DYRK1A: variants seen among roughly 807,000 people sequenced by gnomAD.
DYRK1A encodes the protein dual specificity tyrosine phosphorylation regulated kinase 1A, also known as dual specificity tyrosine-phosphorylation-regulated kinase 1A.
DYRK1A carries 9 observed loss-of-function variants against 79.7 expected under a neutral mutation model. That is an observed-to-expected ratio of 0.11 (90% CI 0.07 to 0.20). DYRK1A has a LOEUF of 0.20. Ranked by LOEUF, DYRK1A falls within the 10% of genes least tolerant of loss-of-function variation. The pLI is 1.00. For missense variants in DYRK1A, 622 were observed against 956.0 expected (o/e 0.65, Z 4.61); for synonymous variants, 349 against 329.7 (o/e 1.06, Z -0.63).
chr21:37,447,690 G>C (rs765294178), intron 2 of DYRK1A, among the ~76,000 whole-genome samples: 4 of 152,196 alleles, frequency 2.6e-5, no homozygotes, highest in Admixed American at 6.5e-5. Context: ...CGGCCATGGT[G>C]CAGCTGCAGA....
At chr21:37,414,702 G>C (rs1358019213) in intron 1 of DYRK1A, among the ~76,000 whole-genome samples, 17 of 152,128 alleles carry the variant, frequency 1.1e-4, no homozygotes, top group Admixed American at 1.1e-3. Context: ...GTGCTTTCTA[G>C]TGTCTACTTG....
rs563374070 is a variant in DYRK1A at position 37,516,212 on chromosome 21, T to C, written c.*3681T>C. On this transcript the variant is annotated 3_prime_UTR_variant, in exon 12 of 12. Transcript: ENST00000647188. ...TGTATGTAATAGACCAGATGGTTCA[T>C]TCCAAATACATGACTTGGTCTTACT... 1.5e-3 allele frequency: 223 copies of C among 152,350 alleles called. 2 individuals are homozygous for C. Among genetic ancestry groups the C allele is most frequent in the African/African-American group, 5.2e-3 (215 of 41,572 alleles). 9.4% of individuals were successfully genotyped at this position (152,350 alleles called of 1,614,324 possible).
Position 37,488,510 on chromosome 21 carries a change from C to T in DYRK1A, c.638-1665C>T, listed in dbSNP as rs375064766. 36 of 893,660 alleles carry T rather than the reference C, an allele frequency of 4.0e-5. No homozygotes were observed. The East Asian group carries it at 3.8e-3, about 95-fold the overall frequency. 55.4% of individuals were successfully genotyped at this position (893,660 alleles called of 1,614,324 possible). A position where few individuals can be genotyped will look rare whatever the true frequency, so the allele number is the denominator to read the frequency against. ...AATTTCTTATCTGGATTATTTGGTA[C>T]CTGCCATGGTCTAGTTAAAAGAAAA... is the stretch of plus-strand genomic sequence containing the variant. On this transcript the variant is annotated intron_variant, in intron 6 of 11. Transcript: ENST00000647188.
At chr21:37,382,955 A>G (rs1457519397) in intron 1 of DYRK1A, among the ~76,000 whole-genome samples, 1 of 152,152 alleles carries the variant, frequency 6.6e-6, no homozygotes, top group African/African-American at 2.4e-5. Context: ...GTTTTTTTGG[A>G]TTATAAACAA....
intron 1 of DYRK1A, among the ~76,000 whole-genome samples, chr21:37,378,695 G>A (rs1427543137): frequency 2.0e-5 from 3 of 152,140 alleles, no homozygotes; most frequent in African/African-American, 4.8e-5. Context: ...GATATGAGTC[G>A]TGGTAGAAGC....
chr21:37,371,109 C>T (rs2049420199), intron 1 of DYRK1A, among the ~76,000 whole-genome samples: 1 of 152,086 alleles, frequency 6.6e-6, no homozygotes, highest in African/African-American at 2.4e-5. Flanking sequence ...ATTAAATTAC[C>T]TAAAATTTCT....
intron 2 of DYRK1A, among the ~76,000 whole-genome samples, chr21:37,463,675 C>CTGATGA (rs1307402861): frequency 6.6e-6 from 1 of 152,172 alleles, no homozygotes; most frequent in Non-Finnish European, 1.5e-5. Context: ...GTTCTTGGTG[C>CTGATGA]TGATGATAAA....
chr21:37,494,410 C>A (rs2053196015), intron 8 of DYRK1A, among the ~76,000 whole-genome samples: 1 of 152,118 alleles, frequency 6.6e-6, no homozygotes, highest in African/African-American at 2.4e-5. Context: ...CTCTCACCAC[C>A]ACCTGGTCTC....
intron 1 of DYRK1A, among the ~76,000 whole-genome samples, chr21:37,397,125 T>G (rs536168058): frequency 2.4e-4 from 36 of 152,306 alleles, no homozygotes; most frequent in Admixed American, 1.8e-3. Flanking sequence ...TCACATTCTT[T>G]CCATGCGAAC....
Position 37,522,945 on chromosome 21 carries a change from G to GGT in DYRK1A, c.*10416_*10417dup, listed in dbSNP as rs1402344979. On this transcript the variant is annotated 3_prime_UTR_variant, in exon 12 of 12. Coordinates refer to ENST00000647188, the MANE Select transcript of DYRK1A (RefSeq NM_001347721.2). ...GCTCCAGGGTGCTGGGACACTGCTG[G>GGT]GTGACGCTCCACAGTGTGTGCTTCC... is the stretch of plus-strand genomic sequence containing the variant. The GGT allele has an allele frequency of 6.6e-6, 1 of 152,340 alleles. No homozygotes were observed. The highest frequency in any genetic ancestry group is 1.5e-5 in the Non-Finnish European group (1 of 68,170). The allele number at this position is 152,340 out of a possible 1,614,324, so 9.4% of individuals were successfully genotyped here.
At chr21:37,444,429 C>T (rs981133816) in intron 2 of DYRK1A, among the ~76,000 whole-genome samples, 5 of 152,168 alleles carry the variant, frequency 3.3e-5, no homozygotes, top group African/African-American at 7.2e-5. Context: ...AAGTCAGGCA[C>T]GCATTAATTT....
At chr21:37,465,642 G>C (rs2052000001) in intron 2 of DYRK1A, among the ~76,000 whole-genome samples, 2 of 152,126 alleles carry the variant, frequency 1.3e-5, no homozygotes, top group Non-Finnish European at 2.9e-5. Flanking sequence ...TTCAAGACCA[G>C]CCTGGCCAAC....
At chr21:37,393,313 T>G (rs1389958232) in intron 1 of DYRK1A, among the ~76,000 whole-genome samples, 2 of 152,186 alleles carry the variant, frequency 1.3e-5, no homozygotes, top group African/African-American at 4.8e-5. Flanking sequence ...ACAAGTAGTT[T>G]CAGAAACTCC....
rs1391641423 is a variant in DYRK1A, at chr21:37,518,883, G to GA, written c.*6353dup. On this transcript the variant is annotated 3_prime_UTR_variant, in exon 12 of 12. Coordinates refer to ENST00000647188, the MANE Select transcript of DYRK1A (RefSeq NM_001347721.2). ...CTGCCTCGGCCTCCCAAAGTGCTGG[G>GA]ATTACAGGCGTGAGCTACTTCACCC... 4 of 152,174 alleles carry GA rather than the reference G, an allele frequency of 2.6e-5. No individual in the cohort carries two copies. Among genetic ancestry groups the GA allele is most frequent in the Non-Finnish European group, 5.9e-5 (4 of 68,068 alleles). 9.4% of individuals were successfully genotyped at this position (152,174 alleles called of 1,614,324 possible).
rs935393330 is a variant in DYRK1A, at chr21:37,518,675, G to A, written c.*6144G>A. On this transcript the variant is annotated 3_prime_UTR_variant, in exon 12 of 12. Coordinates refer to ENST00000647188, the MANE Select transcript of DYRK1A (RefSeq NM_001347721.2). ...TTGTCTCCCAGGTTGGTGTGCAGGG[G>A]TGTGATCTCGGCTCACTGCAACCTC... 2 of 151,444 alleles carry A rather than the reference G, an allele frequency of 1.3e-5. No individual in the cohort carries two copies. Among genetic ancestry groups the A allele is most frequent in the African/African-American group, 4.9e-5 (2 of 41,062 alleles). The allele number at this position is 151,444 out of a possible 1,614,324, so 9.4% of individuals were successfully genotyped here.
In DYRK1A at chr21:37,520,495, C is replaced by G. The variant is rs535126401; in HGVS notation, c.*7964C>G. 4.0e-4 allele frequency: 61 copies of G among 152,056 alleles called. No homozygotes were observed. The highest frequency in any genetic ancestry group is 6.2e-4 in the Non-Finnish European group (42 of 68,030). The allele number at this position is 152,056 out of a possible 1,614,324, so 9.4% of individuals were successfully genotyped here. A position where few individuals can be genotyped will look rare whatever the true frequency, so the allele number is the denominator to read the frequency against. Reference sequence around the variant, plus strand: ...CGAGCCTGGGTTCTCTCAGTATTAGCCTGTTATTCCTAAAGTATCATCCTC... The same window carrying G: ...CGAGCCTGGGTTCTCTCAGTATTAGGCTGTTATTCCTAAAGTATCATCCTC... On this transcript the variant is annotated 3_prime_UTR_variant, in exon 12 of 12. Transcript: ENST00000647188.
intron 9 of DYRK1A, among the ~76,000 whole-genome samples, chr21:37,500,104 A>G (rs1009737493): frequency 2.6e-5 from 4 of 152,188 alleles, no homozygotes; most frequent in Non-Finnish European, 4.4e-5. Context: ...TTGAAATTTG[A>G]TAGGGCTTTG....
intron 5 of DYRK1A, among the ~76,000 whole-genome samples, chr21:37,482,366 C>T (rs969259492): frequency 6.6e-6 from 1 of 152,074 alleles, no homozygotes; most frequent in African/African-American, 2.4e-5. Flanking sequence ...TAAAGCTGGG[C>T]ATCTGGGGGA....
intron 11 of DYRK1A, among the ~76,000 whole-genome samples, chr21:37,509,440 T>C (rs1739305907): frequency 6.6e-6 from 1 of 152,218 alleles, no homozygotes. Context: ...TATTGTTTGT[T>C]TATTCATTTT....
Sources: gnomAD v4.1 joint callset for allele counts (sites outside exome capture counted in the v4.1 genomes callset) on GRCh38, gnomAD v4.1.1 for gene constraint, MANE v1.5 for transcripts, NCBI Gene and HGNC (gene_info 2026-07-23, HGNC 2026-07-21) for gene names.